The following GRM7 variants were observed in gnomAD, a reference collection of about 807,000 sequenced individuals.
GRM7 encodes the protein metabotropic glutamate receptor 7.
GRM7 carries 35 observed loss-of-function variants against 84.5 expected under a neutral mutation model. The observed-to-expected ratio is 0.41, with a 90% CI of 0.32 to 0.55. The LOEUF (loss-of-function observed/expected upper bound fraction) is 0.55. GRM7 is among the 20% of genes least tolerant of loss of function. The pLI, the probability that GRM7 is intolerant of heterozygous loss-of-function variation, is 0.19. For synonymous variants in GRM7, 487 were observed against 455.1 expected (o/e 1.07, Z -0.89); for missense variants, 1,003 against 1,194.6 (o/e 0.84, Z 2.36).
intron 5 of GRM7, among the ~76,000 whole-genome samples, chr3:7,430,832 T>C (rs1362574487): frequency 6.6e-6 from 1 of 152,202 alleles, no homozygotes; most frequent in Non-Finnish European, 1.5e-5. Flanking sequence ...GAAGTTTGCT[T>C]ACTAACAAAT....
intron 1 of GRM7, among the ~76,000 whole-genome samples, chr3:7,087,774 T>C (rs1698512799): frequency 1.3e-5 from 2 of 152,164 alleles, no homozygotes; most frequent in Admixed American, 1.3e-4. Context: ...AATTCCTTTA[T>C]CTGTAACATA....
intron 4 of GRM7, among the ~76,000 whole-genome samples, chr3:7,320,456 G>T (rs1209004782): frequency 6.6e-6 from 1 of 151,960 alleles, no homozygotes; most frequent in African/African-American, 2.4e-5. Flanking sequence ...ACATAGCAAG[G>T]TCTGTTTGTT....
chr3:7,647,638 G>A (rs1698711515), intron 8 of GRM7, among the ~76,000 whole-genome samples: 1 of 152,190 alleles, frequency 6.6e-6, no homozygotes, highest in African/African-American at 2.4e-5. Context: ...GGGGACAAGA[G>A]TAATAATAGA....
chr3:7,046,605 C>G (rs1559404589), intron 1 of GRM7, among the ~76,000 whole-genome samples: 1 of 152,058 alleles, frequency 6.6e-6, no homozygotes, highest in African/African-American at 2.4e-5. Context: ...AGGAGGCATT[C>G]CCCTTCAAGA....
chr3:7,577,957 G>A (rs1485731471), intron 7 of GRM7, among the ~76,000 whole-genome samples: 1 of 152,202 alleles, frequency 6.6e-6, no homozygotes, highest in African/African-American at 2.4e-5. Context: ...AAGGAGATAA[G>A]TGTAGCTTTT....
intron 1 of GRM7, among the ~76,000 whole-genome samples, chr3:6,901,604 T>TAAAAAAAAAAAAAAAAAAAAAAAAA (rs33945077): frequency 1.2e-4 from 5 of 40,500 alleles, no homozygotes; most frequent in Admixed American, 3.4e-4. Flanking sequence ...AGACTCCGTC[T>TAAAAAAAAAAAAAAAAAAAAAAAAA]AAAAAAAAAA....
At chr3:7,045,046 G>A (rs1261423894) in intron 1 of GRM7, among the ~76,000 whole-genome samples, 1 of 152,156 alleles carries the variant, frequency 6.6e-6, no homozygotes, top group African/African-American at 2.4e-5. Context: ...TGCTTTTAGT[G>A]TAGAAGATTC....
chr3:7,713,785 CG>C (rs1428811116), intron 9 of GRM7, among the ~76,000 whole-genome samples: 4 of 139,748 alleles, frequency 2.9e-5, no homozygotes, highest in Non-Finnish European at 6.1e-5. Flanking sequence ...GGAAGAGCCA[CG>C]GATGCTTTCT....
intron 7 of GRM7, among the ~76,000 whole-genome samples, chr3:7,465,618 T>C (rs1277731694): frequency 7.2e-5 from 11 of 152,162 alleles, no homozygotes; most frequent in African/African-American, 2.7e-4. Context: ...AACGGTTTTG[T>C]AGGTTTGCTT....
At chr3:7,220,652 G>C (rs186310016) in intron 2 of GRM7, among the ~76,000 whole-genome samples, 1 of 152,120 alleles carries the variant, frequency 6.6e-6, no homozygotes, top group African/African-American at 2.4e-5. Context: ...TTAATGATAC[G>C]TCAACATTGG....
chr3:7,363,515 G>A (rs929510557), intron 4 of GRM7, among the ~76,000 whole-genome samples: 8 of 151,938 alleles, frequency 5.3e-5, no homozygotes, highest in Non-Finnish European at 2.9e-5. Flanking sequence ...TATTTTACTC[G>A]TTTCAATTAT....
chr3:7,385,264 T>C (rs1295995800), intron 4 of GRM7, among the ~76,000 whole-genome samples: 3 of 151,094 alleles, frequency 2.0e-5, no homozygotes, highest in African/African-American at 7.3e-5. Flanking sequence ...AAAGCACTTA[T>C]TTGTGGAATC....
intron 7 of GRM7, among the ~76,000 whole-genome samples, chr3:7,576,255 A>G (rs538756835): frequency 6.6e-6 from 1 of 152,160 alleles, no homozygotes; most frequent in Non-Finnish European, 1.5e-5. Context: ...TGACTCTGGG[A>G]TGGCTTCCAG....
At chr3:6,978,282 G>C (rs1694073929) in intron 1 of GRM7, among the ~76,000 whole-genome samples, 1 of 152,112 alleles carries the variant, frequency 6.6e-6, no homozygotes, top group Admixed American at 6.5e-5. Flanking sequence ...ACCAGAAGCT[G>C]GAAGAGTCAA....
At chr3:7,426,093 A>ACATT (rs1553592413) in intron 5 of GRM7, among the ~76,000 whole-genome samples, 3 of 85,732 alleles carry the variant, frequency 3.5e-5, no homozygotes, top group Non-Finnish European at 4.9e-5. Flanking sequence ...GCCATATCAT[A>ACATT]CGTTCTTTCT....
chr3:7,589,502 A>G lies in GRM7; in HGVS notation c.2451+10145A>G, dbSNP rs1031814261. Among the ~76,000 whole-genome samples the G allele has an allele frequency of 9.2e-5, 14 of 152,182 alleles. 1 individual carries two copies. In the East Asian group the frequency reaches 2.7e-3, roughly 29 times the overall value. ...AATCTTAAGATGCTTCATTGTTGAC[A>G]ATATGGCAACAGTGAATAAACAGTA... On this transcript the variant is annotated intron_variant, in intron 8 of 9. Coordinates refer to ENST00000357716, the MANE Select transcript of GRM7 (RefSeq NM_000844.4).
chr3:6,951,111 A>G (rs1281679508), intron 1 of GRM7, among the ~76,000 whole-genome samples: 2 of 152,272 alleles, frequency 1.3e-5, no homozygotes, highest in East Asian at 3.9e-4. Context: ...TAAATGCAGA[A>G]ATCACCCATC....
rs528547837 is a variant in GRM7 at position 7,023,642 on chromosome 3, G to A, written c.520-122810G>A. Among the ~76,000 whole-genome samples, 13 of 152,264 alleles carry A rather than the reference G, an allele frequency of 8.5e-5. No homozygotes were observed. The South Asian group carries it at 2.7e-3, about 32-fold the overall frequency. Reference sequence around the variant, plus strand: ...ACCATGCTGGTTCCTTCTGAGGGAGGGTCAGCTTTCTGGGATGGCCAGAGG... The same window carrying A: ...ACCATGCTGGTTCCTTCTGAGGGAGAGTCAGCTTTCTGGGATGGCCAGAGG... On this transcript the variant is annotated intron_variant, in intron 1 of 9. Coordinates refer to ENST00000357716, the MANE Select transcript of GRM7 (RefSeq NM_000844.4).
chr3:7,338,230 T>A (rs1001323911), intron 4 of GRM7, among the ~76,000 whole-genome samples: 2 of 151,846 alleles, frequency 1.3e-5, no homozygotes, highest in Non-Finnish European at 2.9e-5. Flanking sequence ...TTATTCTACA[T>A]GAAGTAACTC....
Sources: gnomAD v4.1 joint callset for allele counts (sites outside exome capture counted in the v4.1 genomes callset) on GRCh38, gnomAD v4.1.1 for gene constraint, MANE v1.5 for transcripts, NCBI Gene and HGNC (gene_info 2026-07-23, HGNC 2026-07-21) for gene names.